Variants in MCF2L2 observed in about 807,000 individuals in gnomAD.
The protein encoded by MCF2L2 is MCF.2 cell line derived transforming sequence-like 2, also known as probable guanine nucleotide exchange factor MCF2L2.
In MCF2L2, 102 loss-of-function variants were observed where a neutral mutation model predicts 150.2. The observed-to-expected ratio is 0.68, with a 90% CI of 0.58 to 0.80. The LOEUF is 0.80. Among genes scored for constraint, MCF2L2 ranks in the 30% least tolerant of loss-of-function variants. MCF2L2 has a pLI of 0.00. For synonymous variants in MCF2L2, 465 were observed against 491.3 expected, an observed-to-expected ratio of 0.95 and a Z score of 0.71; for missense variants, 1,256 against 1,372.8, an observed-to-expected ratio of 0.91 and a Z score of 1.34.
At chr3:183,309,687 C>A (rs1231923574) in intron 10 of MCF2L2, 29 bp downstream of exon 10, 1 of 1,613,922 alleles carries the variant, frequency 6.2e-7, no homozygotes, top group South Asian at 1.1e-5. Flanking sequence ...AACCTCCCTC[C>A]CAGTACACAA....
intron 3 of MCF2L2, among the ~76,000 whole-genome samples, chr3:183,343,958 C>A (rs996794544): frequency 2.6e-5 from 4 of 151,974 alleles, no homozygotes; most frequent in Non-Finnish European, 5.9e-5. Context: ...ATCGCTTGGG[C>A]TCAGGAGTTC....
chr3:183,399,462 C>T (rs1052540162), intron 1 of MCF2L2, among the ~76,000 whole-genome samples: 2 of 152,126 alleles, frequency 1.3e-5, no homozygotes, highest in African/African-American at 4.8e-5. Context: ...TGGGAGCATA[C>T]CAATAAGTGC....
At chr3:183,226,986 T>A (rs1192553465) in intron 18 of MCF2L2, 1 of 152,200 alleles carries the variant, frequency 6.6e-6, no homozygotes, top group Non-Finnish European at 1.5e-5. Context: ...GAAGATTCCT[T>A]CTCTCCATTA....
At chr3:183,361,121 AAG>A (rs1712174176) in intron 3 of MCF2L2, among the ~76,000 whole-genome samples, 1 of 152,036 alleles carries the variant, frequency 6.6e-6, no homozygotes, top group Non-Finnish European at 1.5e-5. Flanking sequence ...AAAAAAGAAA[AAG>A]AAAAGAAAAA....
intron 13 of MCF2L2, among the ~76,000 whole-genome samples, chr3:183,293,342 T>C (rs970821217): frequency 6.6e-6 from 1 of 152,114 alleles, no homozygotes; most frequent in Non-Finnish European, 1.5e-5. Context: ...ATGACAGAGG[T>C]CCACAATACA....
chr3:183,206,936 A>T (rs1722500377), intron 23 of MCF2L2, among the ~76,000 whole-genome samples: 2 of 40,978 alleles, frequency 4.9e-5, no homozygotes, highest in Non-Finnish European at 1.3e-4. Flanking sequence ...GAAGGAAGGA[A>T]GGAAGGAAGG....
chr3:183,382,797 G>A (rs1424357485), intron 2 of MCF2L2, among the ~76,000 whole-genome samples: 1 of 152,088 alleles, frequency 6.6e-6, no homozygotes, highest in African/African-American at 2.4e-5. Flanking sequence ...AACATTAAGC[G>A]CTTGGGGTAC....
chr3:183,295,391 G>A lies in MCF2L2; in HGVS notation c.1584C>T (p.Ala528=). The A allele has an allele frequency of 6.2e-7, 1 of 1,614,084 alleles. No individual in the cohort carries two copies. The highest frequency in any genetic ancestry group is 8.5e-7 in the Non-Finnish European group (1 of 1,179,982). ...KRQVSLMKLA[A]KQTRPVQPVA... ...CAGGTTGCACTGGACGAGTCTGTTT[G>A]GCTGCCAGTTTCATCAGACTCACTT... Residue 528 remains alanine (A), a synonymous_variant, in exon 13 of 30, where the codon GCC becomes GCT. Transcript: ENST00000328913.
rs202014430 is a variant in MCF2L2 at position 183,427,891 on chromosome 3, G to A, written c.76+11C>T. 1.1e-5 allele frequency: 17 copies of A among 1,612,818 alleles called. No homozygotes were observed. In the African/African-American group the frequency reaches 2.0e-4, roughly 19 times the overall value. On this transcript the variant is annotated intron_variant, in intron 1 of 29. Coordinates refer to ENST00000328913, the MANE Select transcript of MCF2L2 (RefSeq NM_015078.4). Reference sequence around the variant, plus strand: ...TTAATAAAACGCAGGAAAAATTAAAGCTTCGTTTACCGACATGAGTGATCA... The same window carrying A: ...TTAATAAAACGCAGGAAAAATTAAAACTTCGTTTACCGACATGAGTGATCA...
At chr3:183,302,132 G>A (rs375765877) in intron 10 of MCF2L2, among the ~76,000 whole-genome samples, 31 of 152,154 alleles carry the variant, frequency 2.0e-4, no homozygotes, top group African/African-American at 1.9e-4. Flanking sequence ...ACCCACAGAC[G>A]GGGGCAGGAA....
chr3:183,188,751 A>G (rs986967164), intron 27 of MCF2L2, among the ~76,000 whole-genome samples: 6 of 152,148 alleles, frequency 3.9e-5, no homozygotes, highest in African/African-American at 1.4e-4. Context: ...ATGGATCACT[A>G]GAGGTCAGGA....
At chr3:183,238,443 C>T (rs533158313) in intron 15 of MCF2L2, among the ~76,000 whole-genome samples, 16 of 151,628 alleles carry the variant, frequency 1.1e-4, no homozygotes, top group Admixed American at 5.3e-4. Flanking sequence ...TGCAGGCGTG[C>T]GCCACCATGC....
Position 183,297,156 on chromosome 3 carries a change from C to A in MCF2L2, c.1317G>T (p.Trp439Cys). 1 of 1,613,938 alleles carries A rather than the reference C, an allele frequency of 6.2e-7. No individual in the cohort carries two copies. Among genetic ancestry groups the A allele is most frequent in the Non-Finnish European group, 8.5e-7 (1 of 1,179,900 alleles). ...FHRQLDKVSQ[W>C]CEAGIYLLAS... Reference sequence around the variant, plus strand: ...CCAAGAGGTAGATTCCTGCCTCACACCATTGGCTGACCTTTTGGAAAGAAA... The same window carrying A: ...CCAAGAGGTAGATTCCTGCCTCACAACATTGGCTGACCTTTTGGAAAGAAA... The change falls in exon 12 of 30, where the codon TGG becomes TGT. Residue 439 changes from tryptophan (W) to cysteine (C), a missense_variant. Physicochemically the swap from Trp to Cys is radical, Grantham distance 215. Coordinates refer to ENST00000328913, the MANE Select transcript of MCF2L2 (RefSeq NM_015078.4).
At chr3:183,330,130 A>T (rs1730208201) in intron 5 of MCF2L2, among the ~76,000 whole-genome samples, 1 of 151,508 alleles carries the variant, frequency 6.6e-6, no homozygotes, top group Admixed American at 6.6e-5. Flanking sequence ...CTGTAGTCCC[A>T]GCTACTGAAG....
chr3:183,388,713 C>T (rs1713968744), intron 2 of MCF2L2, among the ~76,000 whole-genome samples: 1 of 152,118 alleles, frequency 6.6e-6, no homozygotes, highest in Non-Finnish European at 1.5e-5. Flanking sequence ...CCCAGAATGT[C>T]CTGGATTGTG....
chr3:183,179,330 C>T lies in MCF2L2; in HGVS notation c.*50G>A. The T allele has an allele frequency of 2.2e-6, 3 of 1,390,368 alleles. No individual in the cohort carries two copies. The South Asian group carries it at 4.8e-5, about 22-fold the overall frequency. The allele number at this position is 1,390,368 out of a possible 1,614,324, so 86.1% of individuals were successfully genotyped here. On this transcript the variant is annotated 3_prime_UTR_variant, in exon 30 of 30. Coordinates refer to ENST00000328913, the MANE Select transcript of MCF2L2 (RefSeq NM_015078.4). This position sits in a 1 kb window ranked among gnomAD's most constrained non-coding sequence, Gnocchi z 4.2. Reference sequence around the variant, plus strand: ...GCCCGGGCCCCCACACCGCCTCTCCCGGGAATGCGGGCGCTCTGGAGCCGA... The same window carrying T: ...GCCCGGGCCCCCACACCGCCTCTCCTGGGAATGCGGGCGCTCTGGAGCCGA...
At chr3:183,425,967 CAAA>C (rs1245476964) in intron 1 of MCF2L2, among the ~76,000 whole-genome samples, 4 of 148,600 alleles carry the variant, frequency 2.7e-5, no homozygotes, top group African/African-American at 7.5e-5. Flanking sequence ...AAAAAAAAAA[CAAA>C]AAAGATGATC....
intron 1 of MCF2L2, among the ~76,000 whole-genome samples, chr3:183,409,914 C>G (rs1486754075): frequency 2.6e-5 from 4 of 152,136 alleles, no homozygotes; most frequent in Admixed American, 6.5e-5. Context: ...TCTCTTAACT[C>G]CTAGAAAAGG....
intron 3 of MCF2L2, among the ~76,000 whole-genome samples, chr3:183,355,742 A>G (rs1403635815): frequency 6.6e-6 from 1 of 150,472 alleles, no homozygotes; most frequent in Non-Finnish European, 1.5e-5. Flanking sequence ...CTGGGATTAC[A>G]GGCGTGAGCC....
Sources: gnomAD v4.1 joint callset for allele counts (sites outside exome capture counted in the v4.1 genomes callset) on GRCh38, gnomAD v4.1.1 for gene constraint, Gnocchi (gnomAD v3.1) non-coding constraint, MANE v1.5 for transcripts, NCBI Gene and HGNC (gene_info 2026-07-23, HGNC 2026-07-21) for gene names.